Variants in NLRP8 observed in about 807,000 individuals in gnomAD.
The protein encoded by NLRP8 is NACHT, LRR and PYD domains-containing protein 8.
A neutral mutation model predicts 88.7 loss-of-function variants in NLRP8; 86 were observed. The observed-to-expected ratio is 0.97, with a 90% CI of 0.81 to 1.16. The LOEUF (loss-of-function observed/expected upper bound fraction) is 1.16, where lower values mean the gene tolerates loss of function less well. Among genes scored for constraint, NLRP8 ranks in the 50% most tolerant of loss-of-function variants. NLRP8 has a pLI of 0.00. For synonymous variants in NLRP8, 504 were observed against 494.6 expected, an observed-to-expected ratio of 1.02 and a Z score of -0.25; for missense variants, 1,342 against 1,286.5, an observed-to-expected ratio of 1.04 and a Z score of -0.66.
In NLRP8 at chr19:55,979,572, T is replaced by C; in HGVS notation, c.3047+8T>C. 6.2e-7 allele frequency: 1 copy of C among 1,613,968 alleles called. No homozygotes were observed. Among genetic ancestry groups the C allele is most frequent in the Non-Finnish European group, 8.5e-7 (1 of 1,179,916 alleles). On this transcript the variant is annotated splice_region_variant and intron_variant, in intron 9 of 9. Transcript: ENST00000291971. ...GAGAGAAGAGGTCATTTTGTAAGTC[T>C]CCACCGGGTTTCCTGTGCAAAACCT... is the stretch of plus-strand genomic sequence containing the variant.
At chr19:55,987,603 G>C (rs550868009) in intron 9 of NLRP8, among the ~76,000 whole-genome samples, 1 of 152,332 alleles carries the variant, frequency 6.6e-6, no homozygotes, top group Admixed American at 6.5e-5. Context: ...GCCTGGGGTA[G>C]AAAGCAGCAA....
At chr19:55,984,404 C>T (rs1352329679) in intron 9 of NLRP8, among the ~76,000 whole-genome samples, 1 of 151,990 alleles carries the variant, frequency 6.6e-6, no homozygotes, top group Non-Finnish European at 1.5e-5. Context: ...CCTGTAATCA[C>T]AGCACTTTGG....
Position 55,973,714 on chromosome 19 carries a change from G to A in NLRP8, c.2597G>A (p.Ser866Asn). ...AGCCTTGCCTCCTGTCTCAGGCAGA[G>A]TAAGATGCTGACCCACCTGAGCTTG... The change falls in exon 7 of 10, where the codon AGT becomes AAT. Residue 866 changes from serine to asparagine, a missense_variant. Physicochemically the swap from Ser to Asn is conservative, Grantham distance 46 (BLOSUM62 1). Transcript: ENST00000291971. 6.2e-7 allele frequency: 1 copy of A among 1,614,022 alleles called. No individual in the cohort carries two copies. The highest frequency in any genetic ancestry group is 1.3e-5 in the African/African-American group (1 of 75,036).
At chr19:55,974,703 T>A (rs536655725) in intron 7 of NLRP8, among the ~76,000 whole-genome samples, 1 of 144,192 alleles carries the variant, frequency 6.9e-6, no homozygotes, top group South Asian at 2.2e-4. Flanking sequence ...ACCACTGCAC[T>A]CCAGCCTGGG....
At chr19:55,974,454 G>C (rs969469062) in intron 7 of NLRP8, among the ~76,000 whole-genome samples, 3 of 152,228 alleles carry the variant, frequency 2.0e-5, no homozygotes, top group African/African-American at 7.2e-5. Context: ...TGAAGGGAAA[G>C]GAATGTGCTA....
chr19:55,960,924 CAG>C (rs1979581859), intron 3 of NLRP8, among the ~76,000 whole-genome samples: 4 of 91,820 alleles, frequency 4.4e-5, no homozygotes, highest in South Asian at 7.2e-4. Flanking sequence ...TTTTTTGAGA[CAG>C]AGTCTCACAC....
intron 9 of NLRP8, among the ~76,000 whole-genome samples, chr19:55,982,777 A>G (rs767658217): frequency 2.0e-5 from 3 of 152,088 alleles, no homozygotes; most frequent in Admixed American, 6.6e-5. Flanking sequence ...CCCCATCTAC[A>G]TTAAAAAATG....
Position 55,955,027 on chromosome 19 carries a change from G to A in NLRP8, c.969G>A (p.Thr323=), listed in dbSNP as rs753842717. The A allele has an allele frequency of 5.6e-6, 9 of 1,614,104 alleles. No homozygotes were observed. Among genetic ancestry groups the A allele is most frequent in the Admixed American group, 1.7e-5 (1 of 60,018 alleles). The change falls in exon 3 of 10, where the codon ACG becomes ACA. Residue 323 remains threonine (T), a synonymous_variant. Coordinates refer to ENST00000291971, the MANE Select transcript of NLRP8 (RefSeq NM_176811.2). Reference sequence around the variant, plus strand: ...TACTGAGCAGTTTGCTGAGCAAAACGATGCTTCCAGAGGCCACGCTACTGA... The same window carrying A: ...TACTGAGCAGTTTGCTGAGCAAAACAATGCTTCCAGAGGCCACGCTACTGA...
At position 55,988,006 on chromosome 19, in the gene NLRP8, G is replaced by T. The variant is rs779048040; in HGVS notation, c.*93G>T. 2.1e-6 allele frequency: 2 copies of T among 953,670 alleles called. No homozygotes were observed. Among genetic ancestry groups the T allele is most frequent in the Non-Finnish European group, 3.3e-6 (2 of 599,594 alleles). 59.1% of individuals were successfully genotyped at this position (953,670 alleles called of 1,614,324 possible). A position where few individuals can be genotyped will look rare whatever the true frequency, so the allele number is the denominator to read the frequency against. ...GCGTTATCATCCTGTATGCATTAAC[G>T]TACTTTCCCCTGAAACAGAGCAACC... On this transcript the variant is annotated 3_prime_UTR_variant, in exon 10 of 10. Coordinates refer to ENST00000291971, the MANE Select transcript of NLRP8 (RefSeq NM_176811.2).
chr19:55,950,074 G>C (rs1979023003), intron 1 of NLRP8, among the ~76,000 whole-genome samples: 1 of 152,022 alleles, frequency 6.6e-6, no homozygotes, highest in Admixed American at 6.6e-5. Flanking sequence ...GAAAATCTTA[G>C]TGTTAAACAG....
intron 4 of NLRP8, among the ~76,000 whole-genome samples, chr19:55,963,070 G>C (rs571289328): frequency 2.0e-5 from 3 of 152,218 alleles, no homozygotes. Context: ...CTGGAGTGCA[G>C]TGGCTGGATC....
intron 3 of NLRP8, among the ~76,000 whole-genome samples, chr19:55,958,324 T>C (rs1174236209): frequency 6.6e-6 from 1 of 152,232 alleles, no homozygotes; most frequent in East Asian, 1.9e-4. Flanking sequence ...CCTAGACATA[T>C]ACTGGGCTAG....
At chr19:55,972,650 G>A (rs960385443) in intron 6 of NLRP8, among the ~76,000 whole-genome samples, 18 of 151,362 alleles carry the variant, frequency 1.2e-4, no homozygotes, top group Non-Finnish European at 2.6e-4. Context: ...TCATAGCTTA[G>A]CTCCCACATA....
intron 9 of NLRP8, among the ~76,000 whole-genome samples, chr19:55,982,591 T>C (rs1257758000): frequency 6.6e-6 from 1 of 152,184 alleles, no homozygotes; most frequent in Non-Finnish European, 1.5e-5. Flanking sequence ...CCACAGTTGG[T>C]GCTGGGAATG....
intron 2 of NLRP8, among the ~76,000 whole-genome samples, chr19:55,952,873 G>T (rs565276753): frequency 9.2e-5 from 14 of 152,170 alleles, no homozygotes; most frequent in African/African-American, 2.7e-4. Context: ...GTTGCAGTGA[G>T]GTGAGATCAC....
At chr19:55,966,094 C>T (rs1484054976) in intron 4 of NLRP8, 119 bp from the exon 5 acceptor site, 4 of 790,412 alleles carry the variant, frequency 5.1e-6, no homozygotes, top group African/African-American at 1.7e-5. Context: ...TTGTAAACCC[C>T]CTGAGAGTGG....
chr19:55,985,782 G>A (rs306462), intron 9 of NLRP8, among the ~76,000 whole-genome samples: 45,504 of 152,002 alleles, frequency 0.3, 7,251 homozygotes, highest in Non-Finnish European at 0.35. Context: ...TTGGGAGGCC[G>A]AGGCGGGTGG....
In NLRP8 at chr19:55,955,792, G is replaced by A. The variant is rs372572708; in HGVS notation, c.1734G>A (p.Lys578=). Residue 578 remains lysine (K), a synonymous_variant, in exon 3 of 10, where the codon AAG becomes AAA. Transcript: ENST00000291971. Reference sequence around the variant, plus strand: ...CCGTGGAACAGTCATTCCAATGCAAGGTGTCTTTCGGTAATAAGAGGAAAC... The same window carrying A: ...CCGTGGAACAGTCATTCCAATGCAAAGTGTCTTTCGGTAATAAGAGGAAAC... 5 of 1,614,034 alleles carry A rather than the reference G, an allele frequency of 3.1e-6. No individual in the cohort carries two copies. In the African/African-American group the frequency reaches 6.7e-5, roughly 22 times the overall value.
At chr19:55,952,486 G>A (rs1979137489) in intron 1 of NLRP8, 52 bp from the exon 2 acceptor site, 1 of 1,491,532 alleles carries the variant, frequency 6.7e-7, no homozygotes, top group Non-Finnish European at 9.3e-7. Flanking sequence ...CTGTTTCCCT[G>A]CTACCAAGAT....
Sources: allele counts gnomAD v4.1 joint callset (sites outside exome capture counted in the v4.1 genomes callset), GRCh38; gene constraint gnomAD v4.1.1; transcripts MANE v1.5; gene names NCBI Gene and HGNC (gene_info 2026-07-23, HGNC 2026-07-21).